The following SPDYE1 variants were observed in gnomAD, a reference collection of about 807,000 sequenced individuals.
SPDYE1 encodes speedy/RINGO cell cycle regulator family member E1, also known as speedy protein E1.
SPDYE1 carries 29 observed loss-of-function variants against 45.9 expected under a neutral mutation model. The ratio of observed to expected loss-of-function variants is 0.63; its 90% CI spans 0.47 to 0.86. The LOEUF (loss-of-function observed/expected upper bound fraction) is 0.86. Ranked by LOEUF, SPDYE1 falls within the 40% of genes least tolerant of loss-of-function variation. The pLI is 0.00. For synonymous variants in SPDYE1, 134 were observed against 176.8 expected (o/e 0.76, Z 1.92); for missense variants, 346 against 481.4 (o/e 0.72, Z 2.63).
In SPDYE1 at chr7:44,008,005, G is replaced by C. The variant is rs993866555; in HGVS notation, c.*45+192G>C. On this transcript the variant is annotated intron_variant, in intron 8 of 8. Transcript: ENST00000693451. Reference sequence around the variant, plus strand: ...ACTACTCAGGAGGCCGAGGCGGGAGGATTGCTGGAGCCTGGAAGGTCGGGG... The same window carrying C: ...ACTACTCAGGAGGCCGAGGCGGGAGCATTGCTGGAGCCTGGAAGGTCGGGG... The C allele has an allele frequency of 3.7e-4, 528 of 1,439,174 alleles. 2 individuals are homozygous for C. The highest frequency in any genetic ancestry group is 7.5e-4 in the Middle Eastern group (3 of 3,984). The allele number at this position is 1,439,174 out of a possible 1,614,324, so 89.2% of individuals were successfully genotyped here.
Position 44,008,614 on chromosome 7 carries a change from C to G in SPDYE1, c.*46-53C>G, listed in dbSNP as rs557964254. On this transcript the variant is annotated intron_variant, in intron 8 of 8. Transcript: ENST00000693451. ...CTTGACATGGGATGTGAATAACCTT[C>G]CTGTCTAGAGAGCTGCCTCCTTGAA... The G allele has an allele frequency of 1.4e-3, 1,677 of 1,215,000 alleles. 7 individuals carry two copies. The highest frequency in any genetic ancestry group is 5.0e-3 in the Middle Eastern group (14 of 2,774). The allele number at this position is 1,215,000 out of a possible 1,614,324, so 75.3% of individuals were successfully genotyped here.
intron 4 of SPDYE1, 110 bp downstream of exon 4, chr7:44,002,927 T>A: frequency 1.6e-6 from 1 of 626,130 alleles, no homozygotes; most frequent in East Asian, 2.8e-5. Context: ...GGGTGAGCTC[T>A]CCATGTGGGA....
At chr7:44,007,858 T>C (rs1336696423) in intron 8 of SPDYE1, 45 bp downstream of exon 8, 13 of 1,589,628 alleles carry the variant, frequency 8.2e-6, no homozygotes, top group Non-Finnish European at 1.1e-5. Context: ...TTGGGGTCTA[T>C]TTCGGAAATC....
At chr7:44,001,790 C>T (rs987238472) in intron 3 of SPDYE1, among the ~76,000 whole-genome samples, 6 of 152,052 alleles carry the variant, frequency 3.9e-5, no homozygotes, top group Non-Finnish European at 8.8e-5. Context: ...TTTATACTAA[C>T]GATACAAAAA....
Position 44,002,670 on chromosome 7 carries a change from T to A in SPDYE1, c.460T>A (p.Ser154Thr), listed in dbSNP as rs1309252833. ...GGAGTGGTGGGACAAATCTGAGGAG[T>A]CGGAGGAGGAGCCACGGAAGGTGCT... ...KMEWWDKSEE[S>T]EEEPRKVLAP... The change falls in exon 4 of 9, where the codon TCG becomes ACG. Residue 154 changes from serine (S) to threonine (T), a missense_variant. Ser to Thr is a moderately conservative substitution (Grantham distance 58). Coordinates refer to ENST00000693451, the MANE Select transcript of SPDYE1 (RefSeq NM_001378423.2). 4 of 1,596,766 alleles carry A rather than the reference T, an allele frequency of 2.5e-6. No homozygotes were observed. Among genetic ancestry groups the A allele is most frequent in the Non-Finnish European group, 3.4e-6 (4 of 1,179,762 alleles).
intron 8 of SPDYE1, among the ~76,000 whole-genome samples, chr7:44,008,209 C>T (rs1005273273): frequency 4.6e-5 from 7 of 152,220 alleles, no homozygotes; most frequent in South Asian, 2.1e-4. Context: ...CAGCTAACCA[C>T]GTTGAGCACA....
chr7:43,998,250 CTA>C, intron 1 of SPDYE1, among the ~76,000 whole-genome samples: 1 of 152,208 alleles, frequency 6.6e-6, no homozygotes, highest in East Asian at 1.9e-4. Flanking sequence ...TGTGCCTTTT[CTA>C]TGAGCGAGAG....
chr7:44,001,631 G>A (rs914409262), intron 3 of SPDYE1, among the ~76,000 whole-genome samples: 1 of 152,110 alleles, frequency 6.6e-6, no homozygotes, highest in African/African-American at 2.4e-5. Context: ...TCCAGCCTGG[G>A]TGACAGAGCA....
intron 2 of SPDYE1, among the ~76,000 whole-genome samples, chr7:44,000,433 G>C (rs1318197648): frequency 4.1e-5 from 6 of 148,002 alleles, no homozygotes; most frequent in Non-Finnish European, 8.9e-5. Context: ...AAAAAAAAAA[G>C]AAAAGAAAAG....
At chr7:43,998,597 G>A (rs2096058523) in intron 1 of SPDYE1, among the ~76,000 whole-genome samples, 1 of 109,642 alleles carries the variant, frequency 9.1e-6, no homozygotes, top group Admixed American at 9.4e-5. Context: ...TTACAGGCAT[G>A]AGCCACTGAG....
In SPDYE1 at chr7:44,005,189, C is replaced by A; in HGVS notation, c.714C>A (p.Pro238=). The A allele has an allele frequency of 6.2e-7, 1 of 1,612,070 alleles. No individual in the cohort carries two copies. The highest frequency in any genetic ancestry group is 8.5e-7 in the Non-Finnish European group (1 of 1,179,868). The part of the protein sequence containing the change: ...VIAYFSRAGF[P]SWQYQRLHFF... Reference sequence around the variant, plus strand: ...CGTATTTCAGCCGAGCCGGCTTCCCCTCCTGGCAATACCAACGCCTTCATT... The same window carrying A: ...CGTATTTCAGCCGAGCCGGCTTCCCATCCTGGCAATACCAACGCCTTCATT... Residue 238 remains proline (P), a synonymous_variant, in exon 6 of 9, where the codon CCC becomes CCA. Transcript: ENST00000693451.
rs1381050235 is a variant in SPDYE1 at position 44,009,826 on chromosome 7, C to G, written c.*1205C>G. On this transcript the variant is annotated 3_prime_UTR_variant, in exon 9 of 9. Transcript: ENST00000693451. ...CTTTCAATCTTTGTATCTATTATTA[C>G]ACGTGCTGCTGAAGGGAGCATGGTT... The G allele has an allele frequency of 6.6e-6, 1 of 151,604 alleles. No individual in the cohort carries two copies. The highest frequency in any genetic ancestry group is 1.9e-4 in the East Asian group (1 of 5,202). The allele number at this position is 151,604 out of a possible 1,614,324, so 9.4% of individuals were successfully genotyped here. A position where few individuals can be genotyped will look rare whatever the true frequency, so the allele number is the denominator to read the frequency against.
chr7:44,001,399 C>T (rs4637720), intron 3 of SPDYE1, 115 bp downstream of exon 3: 970,068 of 1,525,850 alleles, frequency 0.64, 311,610 homozygotes, highest in African/African-American at 0.72. Context: ...GAGATCTCCA[C>T]GCAGGAGGAC....
chr7:43,999,177 G>A (rs1432617377), intron 1 of SPDYE1, among the ~76,000 whole-genome samples: 1 of 152,210 alleles, frequency 6.6e-6, no homozygotes, highest in Non-Finnish European at 1.5e-5. Context: ...TTGGAAATAT[G>A]TGTGAGCTCC....
chr7:44,009,131 T>G lies in SPDYE1; in HGVS notation c.*510T>G, dbSNP rs2096075722. ...CACACTCTGCATTTTATTGGTTTGT[T>G]TGGAAAATGTTGGCCATTGAATTAT... On this transcript the variant is annotated 3_prime_UTR_variant, in exon 9 of 9. Coordinates refer to ENST00000693451, the MANE Select transcript of SPDYE1 (RefSeq NM_001378423.2). 4.6e-6 allele frequency: 1 copy of G among 217,214 alleles called. No individual in the cohort carries two copies. The highest frequency in any genetic ancestry group is 2.4e-5 in the African/African-American group (1 of 41,526). The allele number at this position is 217,214 out of a possible 1,614,324, so 13.5% of individuals were successfully genotyped here. A position where few individuals can be genotyped will look rare whatever the true frequency, so the allele number is the denominator to read the frequency against.
At chr7:44,005,822 C>T (rs1036279186) in intron 6 of SPDYE1, among the ~76,000 whole-genome samples, 2 of 152,064 alleles carry the variant, frequency 1.3e-5, no homozygotes, top group South Asian at 2.1e-4. Context: ...AGCAAGCAGA[C>T]GTTTCTGGTT....
In SPDYE1 at chr7:44,002,709, G is replaced by A; in HGVS notation, c.499G>A (p.Glu167Lys). 2.5e-6 allele frequency: 4 copies of A among 1,596,552 alleles called. No individual in the cohort carries two copies. The highest frequency in any genetic ancestry group is 2.3e-4 in the Middle Eastern group (1 of 4,436). Residue 167 changes from glutamate (E) to lysine (K), a missense_variant, in exon 4 of 9, where the codon GAG (glutamate) becomes AAG (lysine). Glu to Lys is a moderately conservative substitution (Grantham distance 56). Around this residue, in one of 4 missense-constraint regions of SPDYE1, gnomAD observed 141 missense variants for 176.7 expected, o/e 0.80. Coordinates refer to ENST00000693451, the MANE Select transcript of SPDYE1 (RefSeq NM_001378423.2). ...ACGGAAGGTGCTCGCCCCTGAGCCT[G>A]AGGAGATCTGGGTGGCGGAGATGCT... is the stretch of plus-strand genomic sequence containing the variant. The part of the protein sequence containing the change: ...EPRKVLAPEP[E>K]EIWVAEMLCG...
In SPDYE1 at chr7:43,999,523, A is replaced by G. The variant is rs562007601; in HGVS notation, c.-422-5A>G. ...TCTTTCCCACTCTGTTCCCTCTCCC[A>G]CCAGACTGGACTCTGAAATGGGCAC... is the stretch of plus-strand genomic sequence containing the variant. On this transcript the variant is annotated splice_polypyrimidine_tract_variant and splice_region_variant and intron_variant, in intron 1 of 8. Coordinates refer to ENST00000693451, the MANE Select transcript of SPDYE1 (RefSeq NM_001378423.2). Among the ~76,000 whole-genome samples, 227 of 152,146 alleles carry G rather than the reference A, an allele frequency of 1.5e-3. No homozygotes were observed. The highest frequency in any genetic ancestry group is 5.0e-3 in the African/African-American group (208 of 41,520).
intron 6 of SPDYE1, 81 bp from the exon 7 acceptor site, chr7:44,007,187 C>T (rs2096072442): frequency 8.1e-6 from 13 of 1,611,376 alleles, no homozygotes; most frequent in Non-Finnish European, 1.0e-5. Context: ...CGGTCCCTTA[C>T]CTTCCTCTCT....
Sources: allele counts gnomAD v4.1 joint callset (sites outside exome capture counted in the v4.1 genomes callset), GRCh38; gene constraint gnomAD v4.1.1; regional missense constraint gnomAD v4.1.1; transcripts MANE v1.5; gene names NCBI Gene and HGNC (gene_info 2026-07-23, HGNC 2026-07-21).